The following SMUG1 variants were observed in gnomAD, a reference collection of about 807,000 sequenced individuals.
The protein encoded by SMUG1 is single-strand-selective monofunctional uracil-DNA glycosylase 1.
A neutral mutation model predicts 23.9 loss-of-function variants in SMUG1; 13 were observed. That is an observed-to-expected ratio of 0.54 (90% CI 0.35 to 0.86). The LOEUF is 0.86. Ranked by LOEUF, SMUG1 falls within the 40% of genes least tolerant of loss-of-function variation. SMUG1 has a pLI of 0.01. For synonymous variants in SMUG1, 133 were observed against 139.8 expected (o/e 0.95, Z 0.34); for missense variants, 313 against 339.5 (o/e 0.92, Z 0.61).
chr12:54,184,038 C>T (rs572079205), intron 2 of SMUG1, 79 bp from the exon 3 acceptor site: 13 of 1,245,270 alleles, frequency 1.0e-5, no homozygotes, highest in Admixed American at 8.7e-5. Context: ...AGGGCCCCCA[C>T]TACCATTTCC....
At chr12:54,188,890 G>A (rs933623227) in intron 1 of SMUG1, 61 bp downstream of exon 1, 1 of 152,046 alleles carries the variant, frequency 6.6e-6, no homozygotes, top group Non-Finnish European at 1.5e-5. Flanking sequence ...CAGCCCCGAC[G>A]ACCCTGGGAG....
At chr12:54,165,754 A>G (rs1404739347) in intron 3 of SMUG1, among the ~76,000 whole-genome samples, 2 of 152,192 alleles carry the variant, frequency 1.3e-5, no homozygotes, top group Non-Finnish European at 2.9e-5. Context: ...ACAGATAAAG[A>G]AGTGAGGATT....
chr12:54,182,734 A>T (rs1268827107), intron 3 of SMUG1, 111 bp from the exon 4 acceptor site: 1 of 1,485,944 alleles, frequency 6.7e-7, no homozygotes, highest in East Asian at 2.3e-5. Flanking sequence ...TGCACCCCCT[A>T]CCCCTACCTT....
chr12:54,183,438 G>GA, intron 3 of SMUG1: 1 of 586,684 alleles, frequency 1.7e-6, no homozygotes, highest in Non-Finnish European at 3.0e-6. Context: ...AGCTCACAGG[G>GA]AAAACGAAAC....
intron 3 of SMUG1, among the ~76,000 whole-genome samples, chr12:54,169,464 G>A (rs1940561399): frequency 6.6e-6 from 1 of 151,696 alleles, no homozygotes; most frequent in Non-Finnish European, 1.5e-5. Flanking sequence ...TACTAGGTAG[G>A]TTAGGGCAAT....
intron 4 of SMUG1, among the ~76,000 whole-genome samples, chr12:54,158,861 C>T (rs1229035487): frequency 6.6e-6 from 1 of 152,212 alleles, no homozygotes; most frequent in African/African-American, 2.4e-5. Flanking sequence ...ACCTCTATCT[C>T]CACCTTTCTG....
chr12:54,170,198 TAAA>T (rs34662291), intron 3 of SMUG1, among the ~76,000 whole-genome samples: 7 of 135,680 alleles, frequency 5.2e-5, no homozygotes, highest in Non-Finnish European at 4.8e-5. Flanking sequence ...AACTCTGTCT[TAAA>T]AAAAAAAAAA....
At chr12:54,184,272 G>A (rs1941815678) in intron 2 of SMUG1, 1 of 239,482 alleles carries the variant, frequency 4.2e-6, no homozygotes, top group East Asian at 8.3e-5. Context: ...GGGCTATGCC[G>A]AGCACATAGT....
chr12:54,180,560 G>T lies in SMUG1; in HGVS notation c.*1536C>A, dbSNP rs1940914907. ...CACTTTCCCAGCCCTTACCAAAGGG[G>T]CACCCAGTCAACCATTCAGCAGACA... On this transcript the variant is annotated 3_prime_UTR_variant, in exon 4 of 4. Coordinates refer to ENST00000682136, the MANE Select transcript of SMUG1 (RefSeq NM_001243787.2). The T allele has an allele frequency of 6.6e-6, 1 of 152,122 alleles. No homozygotes were observed. Among genetic ancestry groups the T allele is most frequent in the South Asian group, 2.1e-4 (1 of 4,820 alleles). The allele number at this position is 152,122 out of a possible 1,614,324, so 9.4% of individuals were successfully genotyped here.
chr12:54,164,298 C>G (rs1304539931), downstream of SMUG1: 1 of 152,244 alleles, frequency 6.6e-6, no homozygotes, highest in Non-Finnish European at 1.5e-5. Context: ...TGAGCAGAGC[C>G]TCAGAGCAGA....
At position 54,181,576 on chromosome 12, in the gene SMUG1, T is replaced by C; in HGVS notation, c.*520A>G. ...CTTGCACTCTGTCACACTGGATTTTTCCTCTGATCCAGCTGCAGCCTCCCA... is the reference window on the plus strand; with the variant it reads ...CTTGCACTCTGTCACACTGGATTTTCCCTCTGATCCAGCTGCAGCCTCCCA... On this transcript the variant is annotated 3_prime_UTR_variant, in exon 4 of 4. Transcript: ENST00000682136. 3.8e-6 allele frequency: 6 copies of C among 1,560,904 alleles called. No individual in the cohort carries two copies. The highest frequency in any genetic ancestry group is 5.2e-6 in the Non-Finnish European group (6 of 1,159,842).
chr12:54,172,359 A>T, intron 2 of SMUG1: 1 of 263,030 alleles, frequency 3.8e-6, no homozygotes, highest in Non-Finnish European at 8.0e-6. Flanking sequence ...CTGTTCTCTT[A>T]GCCGGGAAAC....
At chr12:54,165,936 A>T (rs539552170) in intron 3 of SMUG1, among the ~76,000 whole-genome samples, 1 of 152,352 alleles carries the variant, frequency 6.6e-6, no homozygotes, top group Non-Finnish European at 1.5e-5. Flanking sequence ...CATGATCAAC[A>T]TTGAGGACCT....
downstream of SMUG1, among the ~76,000 whole-genome samples, chr12:54,177,051 C>A (rs1348558747): frequency 1.3e-5 from 2 of 152,136 alleles, no homozygotes; most frequent in Non-Finnish European, 1.5e-5. Context: ...GGATGGCACA[C>A]GGGTAGCTTT....
intron 3 of SMUG1, among the ~76,000 whole-genome samples, chr12:54,170,032 C>A (rs1456542600): frequency 6.6e-6 from 1 of 152,110 alleles, no homozygotes. Flanking sequence ...AACCCCGTCT[C>A]TACTAAAAAT....
downstream of SMUG1, among the ~76,000 whole-genome samples, chr12:54,176,576 A>G (rs1254304574): frequency 7.1e-6 from 1 of 140,182 alleles, no homozygotes; most frequent in African/African-American, 2.6e-5. Flanking sequence ...GGAGGCCGAG[A>G]CGGGCGGATC....
In SMUG1 at chr12:54,182,250, C is replaced by T. The variant is rs377053646; in HGVS notation, c.659G>A (p.Arg220Gln). ...VVGVGRLAEQ[R>Q]ARRALAGLMP... ...CAGGCCTGCCAGAGCCCGTCGTGCC[C>T]GCTGCTCTGCCAGTCGCCCAACTCC... is the stretch of plus-strand genomic sequence containing the variant. The change falls in exon 4 of 4, where the codon CGG becomes CAG. Residue 220 changes from arginine (R) to glutamine (Q), a missense_variant. By Grantham distance (43) the Arg-to-Gln change is conservative (BLOSUM62 1). Coordinates refer to ENST00000682136, the MANE Select transcript of SMUG1 (RefSeq NM_001243787.2). The T allele has an allele frequency of 8.1e-6, 13 of 1,612,108 alleles. No homozygotes were observed. Among genetic ancestry groups the T allele is most frequent in the South Asian group, 3.3e-5 (3 of 90,896 alleles).
In SMUG1 at chr12:54,181,499, CA is replaced by C. The variant is rs1299636293; in HGVS notation, c.*596del. Reference sequence around the variant, plus strand: ...GGCATAGAGAGGTTTATTAATTTGTCAATCAAAAAGTTCCAAGTTTCAAAGC... The same window carrying C: ...GGCATAGAGAGGTTTATTAATTTGTCATCAAAAAGTTCCAAGTTTCAAAGC... On this transcript the variant is annotated 3_prime_UTR_variant, in exon 4 of 4. Coordinates refer to ENST00000682136, the MANE Select transcript of SMUG1 (RefSeq NM_001243787.2). 2.0e-6 allele frequency: 3 copies of C among 1,484,054 alleles called. No homozygotes were observed. In the Admixed American group the frequency reaches 5.9e-5, roughly 29 times the overall value. The allele number at this position is 1,484,054 out of a possible 1,614,324, so 91.9% of individuals were successfully genotyped here.
chr12:54,167,103 G>A (rs1422482512), intron 3 of SMUG1, among the ~76,000 whole-genome samples: 1 of 152,106 alleles, frequency 6.6e-6, no homozygotes, highest in African/African-American at 2.4e-5. Context: ...GGATTGAGTG[G>A]TGGGTGGAAA....
Sources: gnomAD v4.1 joint callset for allele counts (sites outside exome capture counted in the v4.1 genomes callset) on GRCh38, gnomAD v4.1.1 for gene constraint, MANE v1.5 for transcripts, NCBI Gene and HGNC (gene_info 2026-07-23, HGNC 2026-07-21) for gene names.